Variants in PLIN3 observed in about 807,000 individuals in gnomAD.
PLIN3 encodes perilipin 3.
Under a neutral mutation model 35.9 loss-of-function variants are expected in PLIN3, and 30 were observed. The observed-to-expected ratio is 0.84, with a 90% CI of 0.62 to 1.13. The LOEUF (loss-of-function observed/expected upper bound fraction) is 1.13, where lower values mean the gene tolerates loss of function less well. Among genes scored for constraint, PLIN3 ranks in the 50% most tolerant of loss-of-function variants. The probability of loss-of-function intolerance (pLI) is 0.00; values close to 1 mark genes in which losing one functional copy is unlikely to be tolerated. For synonymous variants in PLIN3, 261 were observed against 262.5 expected (o/e 0.99, Z 0.06); for missense variants, 603 against 596.9 (o/e 1.01, Z -0.11).
At chr19:4,862,974 T>C (rs1045619326) in intron 1 of PLIN3, among the ~76,000 whole-genome samples, 2 of 150,782 alleles carry the variant, frequency 1.3e-5, no homozygotes, top group African/African-American at 4.9e-5. Flanking sequence ...CTGGCCAACA[T>C]AGTGAAACCC....
intron 2 of PLIN3, 24 bp from the exon 3 acceptor site, chr19:4,860,048 C>A: frequency 6.2e-7 from 1 of 1,610,600 alleles, no homozygotes; most frequent in Non-Finnish European, 8.5e-7. Context: ...GTGGCTCAGG[C>A]AAACTGGGTG....
chr19:4,839,574 G>A (rs926563293), intron 7 of PLIN3, 38 bp from the exon 8 acceptor site: 2 of 1,439,334 alleles, frequency 1.4e-6, no homozygotes, highest in African/African-American at 1.4e-5. Context: ...AGGACCATTT[G>A]TTTCAGGAAA....
intron 1 of PLIN3, among the ~76,000 whole-genome samples, chr19:4,865,372 C>T (rs1359339364): frequency 2.0e-5 from 3 of 151,644 alleles, no homozygotes; most frequent in African/African-American, 7.3e-5. Flanking sequence ...ACCTGTAGTC[C>T]CAGCTACACA....
chr19:4,850,308 ACT>A (rs1353824000), intron 5 of PLIN3, among the ~76,000 whole-genome samples: 1 of 143,914 alleles, frequency 6.9e-6, no homozygotes, highest in Non-Finnish European at 1.5e-5. Flanking sequence ...ATGGAGTCTC[ACT>A]CTGTCGCCCA....
intron 4 of PLIN3, 113 bp from the exon 5 acceptor site, chr19:4,852,414 C>G: frequency 7.8e-7 from 1 of 1,285,750 alleles, no homozygotes; most frequent in Non-Finnish European, 1.1e-6. Context: ...CCCCGGGTGA[C>G]CCCAGCATCT....
Position 4,861,401 on chromosome 19 carries a change from T to C in PLIN3, c.-7A>G, listed in dbSNP as rs373920198. On this transcript the variant is annotated 5_prime_UTR_variant, in exon 2 of 8. Coordinates refer to ENST00000221957, the MANE Select transcript of PLIN3 (RefSeq NM_005817.5). ...CTGCCCCGTCGGCAGACATGGTCTC[T>C]GCAGCAGACGCTGAGGAGAGAGGAA... 3 of 1,610,842 alleles carry C rather than the reference T, an allele frequency of 1.9e-6. No individual in the cohort carries two copies. Among genetic ancestry groups the C allele is most frequent in the Non-Finnish European group, 2.5e-6 (3 of 1,178,972 alleles).
intron 1 of PLIN3, among the ~76,000 whole-genome samples, chr19:4,864,500 G>GTAGA (rs928772516): frequency 6.6e-6 from 1 of 150,498 alleles, no homozygotes; most frequent in African/African-American, 2.4e-5. Flanking sequence ...TTGTTTTTTA[G>GTAGA]TAGATGGGGT....
chr19:4,859,640 GC>G lies in PLIN3; in HGVS notation c.297del (p.Leu100TrpfsTer69), dbSNP rs2030598793. 1 of 1,614,166 alleles carries G rather than the reference GC, an allele frequency of 6.2e-7. No homozygotes were observed. The highest frequency in any genetic ancestry group is 8.5e-7 in the Non-Finnish European group (1 of 1,180,002). On this transcript the variant is annotated frameshift_variant, in exon 4 of 8. Transcript: ENST00000221957. LOFTEE classifies it high-confidence loss of function. Reference sequence around the variant, plus strand: ...GGGAGGTTCTCCTCCAACTTGTCCAGCCCCCTGTGGGCGTATTCGCTGGCTG... The same window carrying G: ...GGGAGGTTCTCCTCCAACTTGTCCAGCCCCTGTGGGCGTATTCGCTGGCTG... ...IASASEYAHR[G>X]LDKLEENLPI...
chr19:4,841,821 C>T (rs1480776355), intron 7 of PLIN3, among the ~76,000 whole-genome samples: 3 of 137,378 alleles, frequency 2.2e-5, no homozygotes, highest in South Asian at 2.5e-4. Context: ...AGGAGAATGG[C>T]GTGAATCCGG....
At chr19:4,856,708 T>TG (rs113067387) in intron 4 of PLIN3, among the ~76,000 whole-genome samples, 30,421 of 147,860 alleles carry the variant, frequency 0.21, 3,253 homozygotes, top group Middle Eastern at 0.24. Flanking sequence ...GGAGGGTGTT[T>TG]TTTTTTTTTT....
intron 7 of PLIN3, among the ~76,000 whole-genome samples, chr19:4,843,333 C>T (rs912043347): frequency 3.3e-5 from 5 of 151,830 alleles, no homozygotes; most frequent in South Asian, 2.1e-4. Flanking sequence ...GGTGAAATCG[C>T]GTCTCTACTA....
intron 4 of PLIN3, among the ~76,000 whole-genome samples, chr19:4,856,450 C>CG (rs2030478986): frequency 6.6e-6 from 1 of 151,750 alleles, no homozygotes; most frequent in Non-Finnish European, 1.5e-5. Flanking sequence ...CCCAGCTACT[C>CG]GGGAGGCTGA....
chr19:4,864,156 T>C (rs1436897076), intron 1 of PLIN3, among the ~76,000 whole-genome samples: 1 of 139,934 alleles, frequency 7.1e-6, no homozygotes, highest in East Asian at 2.0e-4. Flanking sequence ...TGTGTGGTTT[T>C]GTTTTTTTTT....
chr19:4,846,895 T>G (rs944165455), intron 6 of PLIN3, among the ~76,000 whole-genome samples: 2 of 151,320 alleles, frequency 1.3e-5, no homozygotes, highest in African/African-American at 4.9e-5. Flanking sequence ...CGAATTTTTT[T>G]TTTTTTTTTT....
Position 4,850,335 on chromosome 19 carries a change from G to A in PLIN3, c.634+1681C>T, listed in dbSNP as rs1441425221. Among the ~76,000 whole-genome samples, 15 of 151,484 alleles carry A rather than the reference G, an allele frequency of 9.9e-5. No homozygotes were observed. In the South Asian group the frequency reaches 1.0e-3, roughly 11 times the overall value. On this transcript the variant is annotated intron_variant, in intron 5 of 7. Coordinates refer to ENST00000221957, the MANE Select transcript of PLIN3 (RefSeq NM_005817.5). ...TCTGTCGCCCAGGCTGGAGTGCAGC[G>A]GCCCAATCTTGGCTCACTGCAACCT...
chr19:4,860,269 C>T (rs946450393), intron 2 of PLIN3, among the ~76,000 whole-genome samples: 3 of 152,064 alleles, frequency 2.0e-5, no homozygotes, highest in Admixed American at 6.6e-5. Context: ...TGCACTGATG[C>T]GATCTCAGCT....
chr19:4,859,735 G>C (rs755409894), intron 3 of PLIN3, 63 bp from the exon 4 acceptor site: 29 of 1,600,412 alleles, frequency 1.8e-5, no homozygotes, highest in Middle Eastern at 1.7e-4. Flanking sequence ...TGGTTCAGGG[G>C]GACAGGACCA....
At chr19:4,856,863 G>A (rs528618758) in intron 4 of PLIN3, among the ~76,000 whole-genome samples, 3 of 151,838 alleles carry the variant, frequency 2.0e-5, no homozygotes, top group South Asian at 2.1e-4. Flanking sequence ...TCACCATCAC[G>A]CCTGGCTGAT....
In PLIN3 at chr19:4,839,097, G is replaced by C; in HGVS notation, c.*95C>G. The C allele has an allele frequency of 4.0e-6, 4 of 1,008,006 alleles. No homozygotes were observed. The highest frequency in any genetic ancestry group is 5.9e-6 in the Non-Finnish European group (4 of 681,750). The allele number at this position is 1,008,006 out of a possible 1,614,324, so 62.4% of individuals were successfully genotyped here. On this transcript the variant is annotated 3_prime_UTR_variant, in exon 8 of 8. Transcript: ENST00000221957. The stretch of plus-strand genomic sequence containing the variant: ...ACAGCACAGAAGAGCTGGGAGGAGT[G>C]GCTAGAAAATAAGTTTGAAATGAGC...
Sources: allele counts gnomAD v4.1 joint callset (sites outside exome capture counted in the v4.1 genomes callset), GRCh38; gene constraint gnomAD v4.1.1; transcripts MANE v1.5; gene names NCBI Gene and HGNC (gene_info 2026-07-23, HGNC 2026-07-21).